Variants in PTPRK observed in about 807,000 individuals in gnomAD.
The protein encoded by PTPRK is receptor-type tyrosine-protein phosphatase kappa.
A neutral mutation model predicts 178.0 loss-of-function variants in PTPRK; 75 were observed. The ratio of observed to expected loss-of-function variants is 0.42; its 90% CI spans 0.35 to 0.51. The LOEUF is 0.51. Ranked by LOEUF, PTPRK falls within the 20% of genes least tolerant of loss-of-function variation. The pLI is 0.02. For synonymous variants in PTPRK, 637 were observed against 620.6 expected (o/e 1.03, Z -0.39); for missense variants, 1,441 against 1,797.8 (o/e 0.80, Z 3.59).
chr6:128,045,994 T>G (rs1320252920), intron 13 of PTPRK, among the ~76,000 whole-genome samples: 1 of 152,152 alleles, frequency 6.6e-6, no homozygotes, highest in East Asian at 1.9e-4. Context: ...AGCTGTTAAT[T>G]TTTTAGTACC....
intron 1 of PTPRK, among the ~76,000 whole-genome samples, chr6:128,419,492 G>A (rs1843219938): frequency 6.6e-6 from 1 of 152,038 alleles, no homozygotes; most frequent in Non-Finnish European, 1.5e-5. Context: ...GCGGGCACCT[G>A]TAGTCCCAGC....
intron 3 of PTPRK, among the ~76,000 whole-genome samples, chr6:128,268,545 G>A (rs980786004): frequency 9.9e-5 from 15 of 152,034 alleles, no homozygotes; most frequent in East Asian, 9.7e-4. Context: ...AAAGACAGGC[G>A]AAAAATGTAA....
chr6:128,285,949 T>C (rs919560363), intron 3 of PTPRK, among the ~76,000 whole-genome samples: 1 of 152,140 alleles, frequency 6.6e-6, no homozygotes, highest in African/African-American at 2.4e-5. Flanking sequence ...TCCCCTGCCT[T>C]GTTCGAACCG....
chr6:128,406,245 C>T (rs139550574), intron 1 of PTPRK, among the ~76,000 whole-genome samples: 76 of 151,540 alleles, frequency 5.0e-4, no homozygotes, highest in African/African-American at 1.8e-3. Flanking sequence ...AGAGTGAGAC[C>T]CCATCTCAAA....
intron 7 of PTPRK, among the ~76,000 whole-genome samples, chr6:128,120,161 A>G (rs1315505554): frequency 6.6e-6 from 1 of 151,966 alleles, no homozygotes; most frequent in Non-Finnish European, 1.5e-5. Flanking sequence ...TTCAAGCACG[A>G]CTAATATTAA....
At chr6:128,243,492 AAAAAAAAAAAAAAAAAAAAAAG>A (rs1156877995) in intron 3 of PTPRK, among the ~76,000 whole-genome samples, 1 of 140,432 alleles carries the variant, frequency 7.1e-6, no homozygotes, top group Admixed American at 7.1e-5. Context: ...TGTCGCTAAA[AAAAAAAAAAAAAAAAAAAAAAG>A]AAAAGAAAAG....
intron 16 of PTPRK, 68 bp from the exon 17 acceptor site, chr6:127,997,056 G>A (rs1056283882): frequency 9.4e-5 from 142 of 1,510,808 alleles, no homozygotes; most frequent in Non-Finnish European, 1.2e-4. Context: ...TATCTGTTCT[G>A]AAGCCCCAAA....
At chr6:128,201,162 A>T (rs1805874001) in intron 6 of PTPRK, among the ~76,000 whole-genome samples, 2 of 152,166 alleles carry the variant, frequency 1.3e-5, no homozygotes, top group Admixed American at 1.3e-4. Context: ...AAGTGCTGAA[A>T]CTCAAAGAAT....
intron 3 of PTPRK, among the ~76,000 whole-genome samples, chr6:128,303,716 G>A (rs1050973706): frequency 4.6e-5 from 7 of 152,020 alleles, no homozygotes; most frequent in Non-Finnish European, 1.0e-4. Flanking sequence ...ATGAAGATTC[G>A]TTGCTTAACT....
rs1414630227 is a variant in PTPRK, at chr6:128,240,054, T to C, written c.674A>G (p.His225Arg). The stretch of plus-strand genomic sequence containing the variant: ...CCTTACCTGGAGCCATAACTTGTTA[T>C]GCACAGCATCTCTCCCTGTGGCAAT... ...QCIATGRDAV[H>R]NKLWLQRRNG... The change falls in exon 5 of 30, where the codon CAT becomes CGT. Residue 225 changes from histidine to arginine, a missense_variant. His to Arg is a conservative substitution (Grantham distance 29). Transcript: ENST00000368226. 9 of 1,613,980 alleles carry C rather than the reference T, an allele frequency of 5.6e-6. No homozygotes were observed. The highest frequency in any genetic ancestry group is 1.6e-4 in the Middle Eastern group (1 of 6,084).
chr6:128,323,602 A>C (rs1232943912), intron 2 of PTPRK, among the ~76,000 whole-genome samples: 1 of 152,168 alleles, frequency 6.6e-6, no homozygotes, highest in African/African-American at 2.4e-5. Flanking sequence ...CCTCAACAAC[A>C]GATGCAAATC....
chr6:128,001,618 T>G (rs1777841953), intron 15 of PTPRK, among the ~76,000 whole-genome samples: 1 of 152,010 alleles, frequency 6.6e-6, no homozygotes. Flanking sequence ...TATTACAGTT[T>G]ATAAAACTCA....
chr6:128,278,786 C>T (rs1821208867), intron 3 of PTPRK, among the ~76,000 whole-genome samples: 1 of 152,114 alleles, frequency 6.6e-6, no homozygotes, highest in Non-Finnish European at 1.5e-5. Flanking sequence ...GAAAAACTTA[C>T]TATAAAAAAT....
In PTPRK at chr6:128,099,180, A is replaced by T. The variant is rs904680908; in HGVS notation, c.1163-9188T>A. ...GAATAGGACAGAAAATAATACATTT[A>T]TATATATATATATATATTTTTTCTT... On this transcript the variant is annotated intron_variant, in intron 7 of 29. Transcript: ENST00000368226. Among the ~76,000 whole-genome samples the T allele has an allele frequency of 5.7e-4, 84 of 147,922 alleles. 1 individual carries two copies. The South Asian group carries it at 0.011, about 20-fold the overall frequency.
chr6:128,253,608 C>G (rs1448925767), intron 3 of PTPRK, among the ~76,000 whole-genome samples: 1 of 152,172 alleles, frequency 6.6e-6, no homozygotes, highest in Non-Finnish European at 1.5e-5. Context: ...ACAAGCAGAA[C>G]CTTTTAAATT....
intron 7 of PTPRK, among the ~76,000 whole-genome samples, chr6:128,104,485 G>A (rs1397975512): frequency 1.3e-5 from 2 of 152,208 alleles, no homozygotes; most frequent in African/African-American, 4.8e-5. Flanking sequence ...GCCTCCCAAA[G>A]TTCTGGGATT....
chr6:128,465,489 T>TA (rs541835992), intron 1 of PTPRK, among the ~76,000 whole-genome samples: 114 of 152,064 alleles, frequency 7.5e-4, no homozygotes, highest in Admixed American at 1.2e-3. Context: ...ATACCATGTT[T>TA]AAAAAAAATG....
chr6:128,152,158 G>A (rs1007624731), intron 7 of PTPRK, among the ~76,000 whole-genome samples: 1 of 152,004 alleles, frequency 6.6e-6, no homozygotes, highest in Non-Finnish European at 1.5e-5. Context: ...AACAGTAATC[G>A]TGGAGTTAAC....
intron 1 of PTPRK, among the ~76,000 whole-genome samples, chr6:128,419,038 A>G (rs1843154538): frequency 1.3e-5 from 2 of 152,216 alleles, no homozygotes; most frequent in Non-Finnish European, 2.9e-5. Context: ...AGAAACCTCC[A>G]AATGTCTACA....
Sources: allele counts gnomAD v4.1 joint callset (sites outside exome capture counted in the v4.1 genomes callset), GRCh38; gene constraint gnomAD v4.1.1; transcripts MANE v1.5; gene names NCBI Gene and HGNC (gene_info 2026-07-23, HGNC 2026-07-21).